CDH12: variants seen among roughly 807,000 people sequenced by gnomAD.
CDH12 encodes cadherin-12.
A neutral mutation model predicts 74.1 loss-of-function variants in CDH12; 41 were observed. The ratio of observed to expected loss-of-function variants is 0.55; its 90% CI spans 0.43 to 0.72. The LOEUF is 0.72. Ranked by LOEUF, CDH12 falls within the 30% of genes least tolerant of loss-of-function variation. The pLI, the probability that CDH12 is intolerant of heterozygous loss-of-function variation, is 0.00. For missense variants in CDH12, 945 were observed against 977.2 expected (o/e 0.97, Z 0.44); for synonymous variants, 399 against 355.0 (o/e 1.12, Z -1.39).
chr5:21,947,910 GC>G (rs1372695291), intron 6 of CDH12, among the ~76,000 whole-genome samples: 2 of 152,200 alleles, frequency 1.3e-5, no homozygotes, highest in Non-Finnish European at 2.9e-5. Context: ...TCCAGCTCCA[GC>G]CGTGGCTAAA....
intron 5 of CDH12, among the ~76,000 whole-genome samples, chr5:22,062,043 G>T (rs982448737): frequency 6.6e-6 from 1 of 152,092 alleles, no homozygotes; most frequent in Non-Finnish European, 1.5e-5. Flanking sequence ...AGCAGGAGGA[G>T]AGAAGAAAGA....
At chr5:22,818,203 A>G (rs1749487332) in intron 1 of CDH12, among the ~76,000 whole-genome samples, 1 of 152,174 alleles carries the variant, frequency 6.6e-6, no homozygotes, top group Non-Finnish European at 1.5e-5. Flanking sequence ...CTTTAAGTAC[A>G]CACTGCAAAG....
intron 2 of CDH12, among the ~76,000 whole-genome samples, chr5:22,427,652 T>C (rs1000868886): frequency 1.3e-5 from 2 of 152,124 alleles, no homozygotes; most frequent in African/African-American, 2.4e-5. Context: ...ACTTCAAGAG[T>C]TAAGGCCTTT....
intron 3 of CDH12, among the ~76,000 whole-genome samples, chr5:22,214,340 G>A (rs1361539308): frequency 1.3e-5 from 2 of 152,110 alleles, no homozygotes; most frequent in Non-Finnish European, 2.9e-5. Flanking sequence ...CTTCAGGAGA[G>A]GGAGAACAAT....
intron 3 of CDH12, among the ~76,000 whole-genome samples, chr5:22,276,739 C>T (rs1024402419): frequency 3.3e-5 from 5 of 152,100 alleles, no homozygotes; most frequent in East Asian, 3.9e-4. Context: ...CAGGCTGGAG[C>T]GCAGTGGCGC....
At chr5:22,737,561 T>C (rs964662932) in intron 1 of CDH12, among the ~76,000 whole-genome samples, 1 of 151,790 alleles carries the variant, frequency 6.6e-6, no homozygotes, top group African/African-American at 2.4e-5. Flanking sequence ...GAAATAGAAA[T>C]AGAAATTACT....
chr5:21,800,983 A>G (rs1212521437), intron 10 of CDH12, among the ~76,000 whole-genome samples: 2 of 152,166 alleles, frequency 1.3e-5, no homozygotes, highest in African/African-American at 2.4e-5. Context: ...TTTATAGATT[A>G]CCCAGTCTCA....
chr5:21,809,071 A>G (rs181622584), intron 9 of CDH12, among the ~76,000 whole-genome samples: 1 of 152,076 alleles, frequency 6.6e-6, no homozygotes, highest in African/African-American at 2.4e-5. Flanking sequence ...TACCTTAAAA[A>G]TATTTGTAAC....
chr5:22,580,412 C>T (rs1740024391), intron 1 of CDH12: 5 of 502,136 alleles, frequency 1.0e-5, no homozygotes, highest in African/African-American at 1.9e-5. Context: ...AGGGAGCATC[C>T]TCAGAAACAT....
At chr5:21,991,124 G>T (rs999679343) in intron 5 of CDH12, among the ~76,000 whole-genome samples, 1 of 151,462 alleles carries the variant, frequency 6.6e-6, no homozygotes, top group East Asian at 1.9e-4. Flanking sequence ...AAATACTTTC[G>T]ACTGCCCATT....
intron 1 of CDH12, among the ~76,000 whole-genome samples, chr5:22,806,106 C>A (rs1748769965): frequency 6.6e-6 from 1 of 152,084 alleles, no homozygotes; most frequent in Non-Finnish European, 1.5e-5. Context: ...GTGAATAGTG[C>A]CACAATAAAC....
intron 1 of CDH12, among the ~76,000 whole-genome samples, chr5:22,754,606 T>G (rs1580965084): frequency 6.7e-6 from 1 of 148,158 alleles, no homozygotes; most frequent in South Asian, 2.1e-4. Context: ...TGTAGAAGCC[T>G]GAGAAGATGA....
intron 4 of CDH12, among the ~76,000 whole-genome samples, chr5:22,106,848 T>C (rs937462658): frequency 1.3e-5 from 2 of 152,234 alleles, no homozygotes; most frequent in Admixed American, 6.5e-5. Context: ...GCATCAATTT[T>C]ACCTAGTGTA....
chr5:22,520,565 T>A (rs935718667), intron 1 of CDH12, among the ~76,000 whole-genome samples: 13 of 152,092 alleles, frequency 8.5e-5, no homozygotes, highest in African/African-American at 3.1e-4. Context: ...CCAACCTGGC[T>A]TAAAATACAG....
At chr5:22,432,269 G>C (rs1184999133) in intron 2 of CDH12, among the ~76,000 whole-genome samples, 1 of 152,002 alleles carries the variant, frequency 6.6e-6, no homozygotes, top group Non-Finnish European at 1.5e-5. Flanking sequence ...GGAGCAATAG[G>C]CTATACCATA....
At chr5:21,790,371 A>G (rs1250887810) in intron 10 of CDH12, among the ~76,000 whole-genome samples, 3 of 152,106 alleles carry the variant, frequency 2.0e-5, no homozygotes, top group Non-Finnish European at 4.4e-5. Flanking sequence ...CTAGGATCCA[A>G]TATCTTGCAA....
intron 1 of CDH12, among the ~76,000 whole-genome samples, chr5:22,752,642 T>G (rs4345276): frequency 0.3 from 4,963 of 16,704 alleles, 1,464 homozygotes; most frequent in Middle Eastern, 0.5. Flanking sequence ...CGAGATCTCC[T>G]CTCACTGCAA....
chr5:21,850,480 A>G (rs1231902796), intron 7 of CDH12, among the ~76,000 whole-genome samples: 1 of 151,754 alleles, frequency 6.6e-6, no homozygotes, highest in Non-Finnish European at 1.5e-5. Flanking sequence ...TCATAAGCCT[A>G]AGTATGTCTA....
At chr5:22,703,626 A>C (rs2126963094) in intron 1 of CDH12, among the ~76,000 whole-genome samples, 1 of 152,286 alleles carries the variant, frequency 6.6e-6, no homozygotes, top group South Asian at 2.1e-4. Context: ...ATGTGGCAAA[A>C]AAATTAAGTA....
Sources: allele counts gnomAD v4.1 joint callset (sites outside exome capture counted in the v4.1 genomes callset), GRCh38; gene constraint gnomAD v4.1.1; transcripts MANE v1.5; gene names NCBI Gene and HGNC (gene_info 2026-07-23, HGNC 2026-07-21).